Variants in MED12L observed in about 807,000 individuals in gnomAD.
MED12L encodes mediator of RNA polymerase II transcription subunit 12-like protein.
Under a neutral mutation model 281.3 loss-of-function variants are expected in MED12L, and 60 were observed. The ratio of observed to expected loss-of-function variants is 0.21; its 90% CI spans 0.17 to 0.26. MED12L has a LOEUF of 0.26. Ranked by LOEUF, MED12L falls within the 10% of genes least tolerant of loss-of-function variation. The pLI, the probability that MED12L is intolerant of heterozygous loss-of-function variation, is 1.00. For synonymous variants in MED12L, 974 were observed against 987.2 expected, an observed-to-expected ratio of 0.99 and a Z score of 0.25; for missense variants, 2,146 against 2,680.9, an observed-to-expected ratio of 0.80 and a Z score of 4.41.
At chr3:151,338,667 A>G (rs1169633387) in intron 16 of MED12L, 4 of 1,613,926 alleles carry the variant, frequency 2.5e-6, no homozygotes, top group East Asian at 2.2e-5. Flanking sequence ...AAGAAAAATA[A>G]TAAAGTTTGA....
At chr3:151,113,183 A>C (rs920173069) in intron 2 of MED12L, among the ~76,000 whole-genome samples, 8 of 152,222 alleles carry the variant, frequency 5.3e-5, no homozygotes, top group African/African-American at 1.9e-4. Flanking sequence ...AGAATGTGAA[A>C]TTTGAGCAAA....
intron 16 of MED12L, chr3:151,316,620 A>G (rs185384599): frequency 1.2e-3 from 182 of 152,314 alleles, no homozygotes; most frequent in African/African-American, 4.0e-3. Flanking sequence ...CATTCACCTC[A>G]TACGGTGTCT....
intron 16 of MED12L, among the ~76,000 whole-genome samples, chr3:151,220,423 A>G (rs999352817): frequency 3.3e-5 from 5 of 152,148 alleles, no homozygotes; most frequent in Non-Finnish European, 5.9e-5. Flanking sequence ...GGATCTTGCT[A>G]AAATGAGGAC....
chr3:151,376,170 G>C lies in MED12L; in HGVS notation c.4009G>C (p.Glu1337Gln). The C allele has an allele frequency of 6.2e-7, 1 of 1,605,752 alleles. No homozygotes were observed. The highest frequency in any genetic ancestry group is 8.5e-7 in the Non-Finnish European group (1 of 1,177,022). Residue 1337 changes from glutamate (E) to glutamine (Q), a missense_variant, in exon 28 of 45, where the codon GAG (glutamate) becomes CAG (glutamine). By Grantham distance (29) the Glu-to-Gln change is conservative (BLOSUM62 2). Around this residue, in one of 9 missense-constraint regions of MED12L, gnomAD observed 235 missense variants for 260.3 expected, o/e 0.90. Coordinates refer to ENST00000687756, the MANE Select transcript of MED12L (RefSeq NM_001393769.1). Reference sequence around the variant, plus strand: ...TCCTCATGGCATTAAAGAATGTACCGAGGGGGACAATCTGCAAAGACAGCA... The same window carrying C: ...TCCTCATGGCATTAAAGAATGTACCCAGGGGGACAATCTGCAAAGACAGCA... Reference protein sequence around the residue: ...CYPHGIKECTEGDNLQRQHIK... With the variant: ...CYPHGIKECTQGDNLQRQHIK...
intron 2 of MED12L, among the ~76,000 whole-genome samples, chr3:151,092,415 T>C (rs1720175945): frequency 6.6e-6 from 1 of 152,260 alleles, no homozygotes; most frequent in Non-Finnish European, 1.5e-5. Context: ...TGTTCACATC[T>C]GTGAACGGCC....
chr3:151,389,914 A>G, intron 37 of MED12L, 65 bp from the exon 38 acceptor site: 26 of 1,533,014 alleles, frequency 1.7e-5, no homozygotes, highest in Non-Finnish European at 2.3e-5. Flanking sequence ...TACTGAAGTT[A>G]TTTGCATTAA....
chr3:151,330,619 G>T (rs1338653416), intron 16 of MED12L, among the ~76,000 whole-genome samples: 2 of 152,138 alleles, frequency 1.3e-5, no homozygotes, highest in Admixed American at 6.6e-5. Flanking sequence ...GGAGTTAGAC[G>T]AGACTAGTGT....
chr3:151,206,029 C>G (rs3108727), intron 16 of MED12L, among the ~76,000 whole-genome samples: 26,855 of 150,924 alleles, frequency 0.18, 2,921 homozygotes, highest in South Asian at 0.27. Context: ...AGCCCTCTCT[C>G]TATAGCCGTT....
intron 5 of MED12L, among the ~76,000 whole-genome samples, chr3:151,150,447 G>C (rs1286493807): frequency 1.3e-5 from 2 of 152,156 alleles, no homozygotes; most frequent in African/African-American, 4.8e-5. Context: ...TCCAGGCTTT[G>C]TTGTTTTATT....
At chr3:151,346,448 T>C (rs908404172) in intron 16 of MED12L, among the ~76,000 whole-genome samples, 1 of 152,186 alleles carries the variant, frequency 6.6e-6, no homozygotes, top group African/African-American at 2.4e-5. Context: ...CATTTCATCA[T>C]CACCTCTTAC....
At chr3:151,328,956 C>G in intron 16 of MED12L, 1 of 1,613,714 alleles carries the variant, frequency 6.2e-7, no homozygotes, top group Non-Finnish European at 8.5e-7. Flanking sequence ...GGGCACCGCT[C>G]AGATCTGTTG....
intron 39 of MED12L, among the ~76,000 whole-genome samples, chr3:151,403,577 G>A (rs767305028): frequency 1.3e-5 from 2 of 152,088 alleles, no homozygotes; most frequent in African/African-American, 4.8e-5. Flanking sequence ...GTGCATGCAT[G>A]TCATAAGACT....
Position 151,122,774 on chromosome 3 carries a change from T to G in MED12L, c.205-9T>G. 6.3e-7 allele frequency: 1 copy of G among 1,578,532 alleles called. No individual in the cohort carries two copies. Among genetic ancestry groups the G allele is most frequent in the South Asian group, 1.2e-5 (1 of 84,930 alleles). On this transcript the variant is annotated splice_polypyrimidine_tract_variant and intron_variant, in intron 3 of 44. Coordinates refer to ENST00000687756, the MANE Select transcript of MED12L (RefSeq NM_001393769.1). ...CTTAACTTTCCCTTTTTTTCTCTTCTTTCCACAGATTGGAGCTTATTTTAG... is the reference window on the plus strand; with the variant it reads ...CTTAACTTTCCCTTTTTTTCTCTTCGTTCCACAGATTGGAGCTTATTTTAG...
chr3:151,380,028 TAGTG>T (rs1319301806), intron 31 of MED12L, 81 bp from the exon 32 acceptor site: 2 of 821,724 alleles, frequency 2.4e-6, no homozygotes, highest in Non-Finnish European at 3.8e-6. Flanking sequence ...ATTTATCTAA[TAGTG>T]AGGCAAAGAA....
At chr3:151,101,167 C>A (rs569503661) in intron 2 of MED12L, among the ~76,000 whole-genome samples, 1 of 152,178 alleles carries the variant, frequency 6.6e-6, no homozygotes. Flanking sequence ...GGTTTACCTA[C>A]CCACATAAAA....
intron 39 of MED12L, among the ~76,000 whole-genome samples, chr3:151,400,545 C>T (rs533914632): frequency 1.3e-5 from 2 of 152,092 alleles, no homozygotes; most frequent in African/African-American, 2.4e-5. Context: ...GGTTATCCAC[C>T]GTGGAGCAGG....
At chr3:151,348,077 G>A (rs1752749189) in intron 16 of MED12L, among the ~76,000 whole-genome samples, 1 of 152,132 alleles carries the variant, frequency 6.6e-6, no homozygotes, top group Non-Finnish European at 1.5e-5. Context: ...TGTGCTCCTT[G>A]AAGACAGGAA....
rs1720012514 is a variant in MED12L, at chr3:151,435,253, TCA to T, written c.*2450_*2451del. On this transcript the variant is annotated 3_prime_UTR_variant, in exon 45 of 45. Transcript: ENST00000687756. ...AATCAAATGGAGTCAGCTATACCTA[TCA>T]ATCAATCACAGTTCTTGGATATAAG... The T allele has an allele frequency of 2.5e-4, 1 of 3,976 alleles. No homozygotes were observed. 0.2% of individuals were successfully genotyped at this position (3,976 alleles called of 1,614,324 possible).
chr3:151,316,472 A>G (rs1404179943), intron 16 of MED12L: 1 of 152,154 alleles, frequency 6.6e-6, no homozygotes, highest in Non-Finnish European at 1.5e-5. Flanking sequence ...CAGCATTCTA[A>G]TTTCTAGTTT....
Sources: allele counts gnomAD v4.1 joint callset (sites outside exome capture counted in the v4.1 genomes callset), GRCh38; gene constraint gnomAD v4.1.1; regional missense constraint gnomAD v4.1.1; transcripts MANE v1.5; gene names NCBI Gene and HGNC (gene_info 2026-07-23, HGNC 2026-07-21).